The following PTPRN2 variants were observed in gnomAD, a reference collection of about 807,000 sequenced individuals.
The protein encoded by PTPRN2 is protein tyrosine phosphatase receptor type N2.
In PTPRN2, 74 loss-of-function variants were observed where a neutral mutation model predicts 118.8. The observed-to-expected ratio is 0.62, with a 90% CI of 0.52 to 0.76. PTPRN2 has a LOEUF of 0.76. Ranked by LOEUF, PTPRN2 falls within the 30% of genes least tolerant of loss-of-function variation. The probability of loss-of-function intolerance (pLI) is 0.00; values close to 1 mark genes in which losing one functional copy is unlikely to be tolerated. For missense variants in PTPRN2, 1,481 were observed against 1,394.4 expected, an observed-to-expected ratio of 1.06 and a Z score of -0.99; for synonymous variants, 641 against 608.0, an observed-to-expected ratio of 1.05 and a Z score of -0.80.
intron 10 of PTPRN2, among the ~76,000 whole-genome samples, chr7:158,089,661 G>A (rs1337581105): frequency 1.4e-5 from 2 of 144,086 alleles, no homozygotes; most frequent in African/African-American, 5.6e-5. Context: ...GAAAGGGGGA[G>A]TCTTCACACA....
chr7:157,725,045 CT>C (rs1799449330), intron 12 of PTPRN2, among the ~76,000 whole-genome samples: 1 of 152,202 alleles, frequency 6.6e-6, no homozygotes, highest in African/African-American at 2.4e-5. Flanking sequence ...AAATAACCTG[CT>C]TTTTCCCATA....
chr7:158,418,544 G>C (rs371591081), intron 2 of PTPRN2, among the ~76,000 whole-genome samples: 2 of 62,452 alleles, frequency 3.2e-5, no homozygotes, highest in African/African-American at 9.2e-5. Context: ...TCGAGATGCT[G>C]TAGCTCTCCA....
chr7:158,015,070 C>T lies in PTPRN2; in HGVS notation c.1723+66228G>A, dbSNP rs543669867. On this transcript the variant is annotated intron_variant, in intron 11 of 22. Coordinates refer to ENST00000389418, the MANE Select transcript of PTPRN2 (RefSeq NM_002847.5). This position sits in a 1 kb window ranked among gnomAD's most constrained non-coding sequence, Gnocchi z 4.2. ...TCTCTTTTTCTTCCCTTGTATCTTG[C>T]AAATCCCTCAGATAAAAGTGGGTTG... Among the ~76,000 whole-genome samples, 1 of 152,276 alleles carries T rather than the reference C, an allele frequency of 6.6e-6. No individual in the cohort carries two copies. The highest frequency in any genetic ancestry group is 2.4e-5 in the African/African-American group (1 of 41,558).
chr7:158,101,577 C>G (rs941730966), intron 10 of PTPRN2, among the ~76,000 whole-genome samples: 2 of 152,186 alleles, frequency 1.3e-5, no homozygotes, highest in African/African-American at 4.8e-5. Context: ...AGAATAAACT[C>G]ATTCCTTCTT....
intron 2 of PTPRN2, among the ~76,000 whole-genome samples, chr7:158,466,315 G>T (rs890871114): frequency 3.3e-5 from 5 of 151,568 alleles, no homozygotes; most frequent in African/African-American, 9.7e-5. Flanking sequence ...CTCATTCCTC[G>T]CCACTCCCAC....
At position 157,621,097 on chromosome 7, in the gene PTPRN2, T is replaced by C. The variant is rs878913777; in HGVS notation, c.2344+265A>G. Reference sequence around the variant, plus strand: ...TGGCCACCTGCCCCCGGGGCTGGTATGTACAGGTCAGCACGGCCAGTTTCC... The same window carrying C: ...TGGCCACCTGCCCCCGGGGCTGGTACGTACAGGTCAGCACGGCCAGTTTCC... On this transcript the variant is annotated intron_variant, in intron 15 of 22. Transcript: ENST00000389418. 1.0e-3 allele frequency among the ~76,000 whole-genome samples: 56 copies of C among 54,618 alleles called. No individual in the cohort carries two copies. Among genetic ancestry groups the C allele is most frequent in the South Asian group, 4.8e-3 (8 of 1,660 alleles). 35.8% of individuals were successfully genotyped at this position (54,618 alleles called of 152,430 possible).
intron 11 of PTPRN2, among the ~76,000 whole-genome samples, chr7:157,938,445 G>T (rs1385110540): frequency 6.6e-6 from 1 of 152,202 alleles, no homozygotes; most frequent in African/African-American, 2.4e-5. Flanking sequence ...GATGTGAGGG[G>T]TAGACACTAT....
chr7:158,250,858 G>A (rs1398106205), intron 3 of PTPRN2, among the ~76,000 whole-genome samples: 1 of 152,154 alleles, frequency 6.6e-6, no homozygotes, highest in Non-Finnish European at 1.5e-5. Flanking sequence ...GACAATTCCA[G>A]ATGCTTTGCT....
chr7:158,076,006 G>A (rs907984284), intron 11 of PTPRN2, among the ~76,000 whole-genome samples: 2 of 152,248 alleles, frequency 1.3e-5, no homozygotes, highest in African/African-American at 4.8e-5. Flanking sequence ...TGGCGAAGGG[G>A]AGCGCTGGGA....
intron 12 of PTPRN2, among the ~76,000 whole-genome samples, chr7:157,713,402 C>T (rs1308792538): frequency 6.6e-6 from 1 of 152,100 alleles, no homozygotes. Context: ...AATTAATAGC[C>T]TGTAAGAATA....
At chr7:158,171,068 T>TA (rs558867267) in intron 5 of PTPRN2, among the ~76,000 whole-genome samples, 1,742 of 69,118 alleles carry the variant, frequency 0.025, 105 homozygotes, top group African/African-American at 0.085. Context: ...TATATACACA[T>TA]TATATACACA....
intron 12 of PTPRN2, among the ~76,000 whole-genome samples, chr7:157,853,062 T>C (rs897249813): frequency 7.9e-5 from 12 of 152,036 alleles, no homozygotes; most frequent in African/African-American, 2.9e-4. Context: ...TCTGGGGCCG[T>C]CCTCTCTCCG....
At chr7:158,277,301 G>A (rs189939811) in intron 3 of PTPRN2, among the ~76,000 whole-genome samples, 364 of 152,276 alleles carry the variant, frequency 2.4e-3, no homozygotes, top group Non-Finnish European at 4.1e-3. Flanking sequence ...TTCGCCATTC[G>A]GTCCCACACC....
chr7:157,842,343 G>C (rs759612513), intron 12 of PTPRN2, among the ~76,000 whole-genome samples: 21 of 151,330 alleles, frequency 1.4e-4, no homozygotes, highest in Non-Finnish European at 2.4e-4. Context: ...TGGGGGAAGG[G>C]AGGAGATTTA....
At chr7:157,645,200 C>T (rs190069430) in intron 14 of PTPRN2, among the ~76,000 whole-genome samples, 1 of 152,340 alleles carries the variant, frequency 6.6e-6, no homozygotes, top group East Asian at 1.9e-4. Context: ...GGCCTTGCTG[C>T]CATGAGGACT....
At chr7:157,702,954 G>C (rs1337334488) in intron 12 of PTPRN2, among the ~76,000 whole-genome samples, 1 of 152,212 alleles carries the variant, frequency 6.6e-6, no homozygotes, top group African/African-American at 2.4e-5. Context: ...TTGGAGACCG[G>C]TCTTAGGAAG....
chr7:158,025,218 T>C (rs935614190), intron 11 of PTPRN2, among the ~76,000 whole-genome samples: 1 of 152,122 alleles, frequency 6.6e-6, no homozygotes, highest in East Asian at 1.9e-4. Context: ...TCCTTGTCAG[T>C]GTGATGGTTG....
At chr7:158,076,829 C>A (rs1163807245) in intron 11 of PTPRN2, among the ~76,000 whole-genome samples, 1 of 152,222 alleles carries the variant, frequency 6.6e-6, no homozygotes, top group Non-Finnish European at 1.5e-5. Flanking sequence ...ACAGCCCTGG[C>A]ACCGGGGTTG....
At chr7:157,736,496 G>A (rs922496558) in intron 12 of PTPRN2, among the ~76,000 whole-genome samples, 1 of 152,228 alleles carries the variant, frequency 6.6e-6, no homozygotes, top group Non-Finnish European at 1.5e-5. Context: ...GACATGGGGA[G>A]AAGATGCTGT....
Sources: allele counts gnomAD v4.1 joint callset (sites outside exome capture counted in the v4.1 genomes callset), GRCh38; gene constraint gnomAD v4.1.1; non-coding constraint Gnocchi (gnomAD v3.1); transcripts MANE v1.5; gene names NCBI Gene and HGNC (gene_info 2026-07-23, HGNC 2026-07-21).